NUBPL: variants seen among roughly 807,000 people sequenced by gnomAD.
NUBPL encodes NUBP iron-sulfur cluster assembly factor, mitochondrial, also known as iron-sulfur cluster transfer protein NUBPL.
NUBPL carries 31 observed loss-of-function variants against 45.7 expected under a neutral mutation model. The ratio of observed to expected loss-of-function variants is 0.68; its 90% CI spans 0.51 to 0.92. The LOEUF is 0.92. Ranked by LOEUF, NUBPL falls within the 40% of genes least tolerant of loss-of-function variation. The probability of loss-of-function intolerance (pLI) is 0.00; values close to 1 mark genes in which losing one functional copy is unlikely to be tolerated. For missense variants in NUBPL, 401 were observed against 398.7 expected (o/e 1.01, Z -0.05); for synonymous variants, 144 against 140.9 (o/e 1.02, Z -0.15).
chr14:31,716,350 A>G (rs959386534), intron 6 of NUBPL, among the ~76,000 whole-genome samples: 1 of 152,188 alleles, frequency 6.6e-6, no homozygotes, highest in African/African-American at 2.4e-5. Context: ...ACCCAGTATT[A>G]TGTACTGTAC....
Position 31,787,876 on chromosome 14 carries a change from A to T in NUBPL, c.607+3A>T, listed in dbSNP as rs752544093. Reference sequence around the variant, plus strand: ...CTCACAGAATATTCCTATAACAGGTAAATCTTCAAAGTTTAAAGTAATTTG... The same window carrying T: ...CTCACAGAATATTCCTATAACAGGTTAATCTTCAAAGTTTAAAGTAATTTG... On this transcript the variant is annotated splice_donor_region_variant and intron_variant, in intron 7 of 10. Transcript: ENST00000281081. The T allele has an allele frequency of 6.3e-7, 1 of 1,588,850 alleles. No homozygotes were observed. The highest frequency in any genetic ancestry group is 2.2e-5 in the East Asian group (1 of 44,706).
chr14:31,843,026 G>A (rs1446976171), intron 8 of NUBPL, among the ~76,000 whole-genome samples: 1 of 152,128 alleles, frequency 6.6e-6, no homozygotes, highest in African/African-American at 2.4e-5. Flanking sequence ...GCTTAAAACA[G>A]CACAGGTTTA....
intron 4 of NUBPL, among the ~76,000 whole-genome samples, chr14:31,606,676 G>A (rs2034608935): frequency 6.6e-6 from 1 of 152,106 alleles, no homozygotes; most frequent in Non-Finnish European, 1.5e-5. Flanking sequence ...GTAGCCTCAT[G>A]GGCCACAGAG....
At chr14:31,674,612 A>G (rs2036649019) in intron 6 of NUBPL, among the ~76,000 whole-genome samples, 1 of 151,986 alleles carries the variant, frequency 6.6e-6, no homozygotes, top group South Asian at 2.1e-4. Flanking sequence ...TGATTAACCC[A>G]CCCTCTGTTT....
At chr14:31,633,560 C>A (rs1319914833) in intron 4 of NUBPL, among the ~76,000 whole-genome samples, 1 of 152,120 alleles carries the variant, frequency 6.6e-6, no homozygotes, top group Non-Finnish European at 1.5e-5. Context: ...CTTCTGATTA[C>A]CTTCAGTGAT....
intron 10 of NUBPL, among the ~76,000 whole-genome samples, chr14:31,853,645 G>A (rs1258851809): frequency 1.3e-5 from 2 of 152,196 alleles, no homozygotes; most frequent in East Asian, 1.9e-4. Context: ...GTGAATTTAA[G>A]ACATCATTGG....
chr14:31,767,173 A>C (rs1380354971), intron 6 of NUBPL, among the ~76,000 whole-genome samples: 4 of 152,134 alleles, frequency 2.6e-5, no homozygotes, highest in African/African-American at 7.2e-5. Context: ...TAGCCAGGAC[A>C]AACAGCTGCT....
chr14:31,678,168 G>C (rs1474993554), intron 6 of NUBPL, among the ~76,000 whole-genome samples: 3 of 152,140 alleles, frequency 2.0e-5, no homozygotes, highest in Non-Finnish European at 4.4e-5. Context: ...TCGTGGTGAA[G>C]GTTGTCAGGC....
intron 4 of NUBPL, among the ~76,000 whole-genome samples, chr14:31,648,811 G>A (rs113941456): frequency 0.011 from 1,616 of 152,166 alleles, 24 homozygotes; most frequent in African/African-American, 0.037. Context: ...CCTCAGGATC[G>A]AAGTCTTGTT....
intron 4 of NUBPL, among the ~76,000 whole-genome samples, chr14:31,664,285 G>T (rs1440454912): frequency 6.6e-6 from 1 of 152,156 alleles, no homozygotes; most frequent in Admixed American, 6.5e-5. Context: ...AGTAGGAGTG[G>T]TGAGAGAGGG....
rs1380479471 is a variant in NUBPL at position 31,739,257 on chromosome 14, T to A, written c.514-48523T>A. Among the ~76,000 whole-genome samples, 642 of 136,586 alleles carry A rather than the reference T, an allele frequency of 4.7e-3. 14 individuals carry two copies. The highest frequency in any genetic ancestry group is 6.9e-3 in the African/African-American group (271 of 39,552). The allele number at this position is 136,586 out of a possible 152,430, so 89.6% of individuals were successfully genotyped here. On this transcript the variant is annotated intron_variant, in intron 6 of 10. Coordinates refer to ENST00000281081, the MANE Select transcript of NUBPL (RefSeq NM_025152.3). The stretch of plus-strand genomic sequence containing the variant: ...ATTATATTCTATATATATATATTTT[T>A]TTTTTTTAGTAGAGATGGGGTTTCA...
At chr14:31,674,614 C>A (rs8019075) in intron 6 of NUBPL, among the ~76,000 whole-genome samples, 55,686 of 151,922 alleles carry the variant, frequency 0.37, 12,547 homozygotes, top group East Asian at 0.6. Flanking sequence ...ATTAACCCAC[C>A]CTCTGTTTTC....
At chr14:31,608,819 T>G (rs1411112496) in intron 4 of NUBPL, among the ~76,000 whole-genome samples, 2 of 152,156 alleles carry the variant, frequency 1.3e-5, no homozygotes, top group African/African-American at 4.8e-5. Context: ...TGGCCCAGTT[T>G]CTAACAGGCC....
At chr14:31,729,618 T>C (rs1481249633) in intron 6 of NUBPL, among the ~76,000 whole-genome samples, 1 of 152,182 alleles carries the variant, frequency 6.6e-6, no homozygotes, top group African/African-American at 2.4e-5. Context: ...ATGTATTTTG[T>C]TATTGCTTTT....
At chr14:31,642,397 A>T (rs951768408) in intron 4 of NUBPL, among the ~76,000 whole-genome samples, 16 of 152,116 alleles carry the variant, frequency 1.1e-4, no homozygotes, top group African/African-American at 3.9e-4. Flanking sequence ...ATTCTTCCTC[A>T]TGTGGTTACC....
rs751380293 is a variant in NUBPL, at chr14:31,673,528, G to A, written c.467G>A (p.Trp156Ter). The A allele has an allele frequency of 2.5e-6, 4 of 1,613,940 alleles. No individual in the cohort carries two copies. The highest frequency in any genetic ancestry group is 3.4e-6 in the Non-Finnish European group (4 of 1,179,922). The change falls in exon 6 of 11, where the codon TGG (tryptophan) becomes TAG (stop). Residue 156 changes from tryptophan to a stop codon, truncating the protein, a stop_gained. Coordinates refer to ENST00000281081, the MANE Select transcript of NUBPL (RefSeq NM_025152.3). LOFTEE classifies it high-confidence loss of function. ...FLVEESEPVV[W>*]RGLMVMSAIE... ...GTTGAAGAAAGTGAACCAGTAGTTT[G>A]GAGAGGCCTTATGGTAATGTCGGCC...
chr14:31,635,843 C>T (rs1263752797), intron 4 of NUBPL, among the ~76,000 whole-genome samples: 6 of 151,806 alleles, frequency 4.0e-5, no homozygotes, highest in Non-Finnish European at 8.8e-5. Context: ...TTTTATTCTC[C>T]TTGAAGCAAT....
chr14:31,564,528 AAT>A (rs1423641075), intron 2 of NUBPL, among the ~76,000 whole-genome samples: 48 of 144,158 alleles, frequency 3.3e-4, no homozygotes, highest in African/African-American at 1.2e-3. Context: ...AAAAAAAAAA[AAT>A]GAGCTGGGTG....
At chr14:31,850,683 C>T (rs1323777799) in intron 10 of NUBPL, among the ~76,000 whole-genome samples, 1 of 151,914 alleles carries the variant, frequency 6.6e-6, no homozygotes, top group African/African-American at 2.4e-5. Flanking sequence ...TACAATTGTG[C>T]GATCCCAGCT....
Sources: gnomAD v4.1 joint callset for allele counts (sites outside exome capture counted in the v4.1 genomes callset) on GRCh38, gnomAD v4.1.1 for gene constraint, MANE v1.5 for transcripts, NCBI Gene and HGNC (gene_info 2026-07-23, HGNC 2026-07-21) for gene names.